The following STPG2 variants were observed in gnomAD, a reference collection of about 807,000 sequenced individuals.
STPG2 encodes the protein sperm-tail PG-rich repeat-containing protein 2.
Under a neutral mutation model 54.2 loss-of-function variants are expected in STPG2, and 56 were observed. The ratio of observed to expected loss-of-function variants is 1.03; its 90% CI spans 0.83 to 1.29. STPG2 has a LOEUF of 1.29. Ranked by LOEUF, STPG2 falls within the 50% of genes most tolerant of loss-of-function variation. The probability of loss-of-function intolerance (pLI) is 0.00; values close to 1 mark genes in which losing one functional copy is unlikely to be tolerated. For missense variants in STPG2, 596 were observed against 544.9 expected, an observed-to-expected ratio of 1.09 and a Z score of -0.93; for synonymous variants, 200 against 181.8, an observed-to-expected ratio of 1.10 and a Z score of -0.81.
intron 10 of STPG2, among the ~76,000 whole-genome samples, chr4:97,641,869 A>G (rs538547446): frequency 1.3e-5 from 2 of 151,560 alleles, no homozygotes; most frequent in Non-Finnish European, 3.0e-5. Flanking sequence ...TCTTTATTTG[A>G]TAGTTCACTG....
chr4:97,507,758 T>C (rs1025030687), intron 4 of STPG2, among the ~76,000 whole-genome samples: 6 of 152,010 alleles, frequency 3.9e-5, no homozygotes, highest in African/African-American at 1.4e-4. Flanking sequence ...AAGATACACA[T>C]AGGGTAAGGT....
chr4:97,562,910 G>C (rs1216947360), intron 10 of STPG2, among the ~76,000 whole-genome samples: 1 of 151,820 alleles, frequency 6.6e-6, no homozygotes, highest in Non-Finnish European at 1.5e-5. Context: ...TCTCTTTTTT[G>C]GTTGTGTCTC....
intron 4 of STPG2, among the ~76,000 whole-genome samples, chr4:97,467,825 T>C (rs1035994273): frequency 1.1e-4 from 16 of 151,302 alleles, no homozygotes; most frequent in Non-Finnish European, 1.8e-4. Flanking sequence ...TGGCTGTTAG[T>C]TATTAAAGCT....
At chr4:97,964,570 G>GA (rs1271409499) in intron 7 of STPG2, among the ~76,000 whole-genome samples, 6 of 152,054 alleles carry the variant, frequency 3.9e-5, no homozygotes, top group Admixed American at 6.6e-5. Flanking sequence ...TTAAAAACCT[G>GA]AAAAAACTAA....
chr4:98,115,977 T>TAAC (rs1739510038), intron 3 of STPG2, among the ~76,000 whole-genome samples: 2 of 151,512 alleles, frequency 1.3e-5, no homozygotes, highest in African/African-American at 2.4e-5. Context: ...TACGTTTTTA[T>TAAC]ATGTTTTTAA....
At chr4:97,528,010 C>G (rs1314055672) in intron 4 of STPG2, among the ~76,000 whole-genome samples, 1 of 152,048 alleles carries the variant, frequency 6.6e-6, no homozygotes, top group East Asian at 1.9e-4. Flanking sequence ...TTAATTAGTC[C>G]CATTTGTCAA....
intron 8 of STPG2, among the ~76,000 whole-genome samples, chr4:97,881,884 G>T (rs1373153936): frequency 6.6e-6 from 1 of 152,082 alleles, no homozygotes; most frequent in Non-Finnish European, 1.5e-5. Context: ...CTGATTTTCA[G>T]CATCTATTTA....
rs530975909 is a variant in STPG2, at chr4:97,511,272, G to A, written c.462+201427C>T. On this transcript the variant is annotated intron_variant, in intron 4 of 4. Coordinates refer to the STPG2 transcript ENST00000522676. ...TGAAAGTAAAAGAACAGAAAAAACT[G>A]TACTACAAAATACTAATTAAAATCA... Among the ~76,000 whole-genome samples the A allele has an allele frequency of 9.9e-5, 15 of 151,738 alleles. No individual in the cohort carries two copies. The South Asian group carries it at 3.1e-3, about 32-fold the overall frequency.
At chr4:97,710,511 T>G (rs1200746538) in intron 10 of STPG2, among the ~76,000 whole-genome samples, 3 of 152,100 alleles carry the variant, frequency 2.0e-5, no homozygotes, top group African/African-American at 4.8e-5. Flanking sequence ...ACTATCTCAA[T>G]GGCAGATCAT....
intron 8 of STPG2, among the ~76,000 whole-genome samples, chr4:97,851,065 C>G (rs1292768592): frequency 6.6e-6 from 1 of 152,104 alleles, no homozygotes; most frequent in Admixed American, 6.6e-5. Flanking sequence ...CAAATCTTCC[C>G]TGAATTCATT....
intron 4 of STPG2, among the ~76,000 whole-genome samples, chr4:97,503,183 G>A (rs1037647890): frequency 1.3e-5 from 2 of 151,698 alleles, no homozygotes; most frequent in Non-Finnish European, 1.5e-5. Context: ...ACTGGCTCAC[G>A]GACCAATTAT....
chr4:97,992,528 A>G (rs1735054545), intron 5 of STPG2, among the ~76,000 whole-genome samples: 1 of 152,182 alleles, frequency 6.6e-6, no homozygotes. Flanking sequence ...CAAGTCGAGT[A>G]ATGTAATGCC....
rs1560602684 is a variant in STPG2 at position 97,943,951 on chromosome 4, G to T, written c.990C>A (p.Asn330Lys). The change falls in exon 8 of 11, where the codon AAC becomes AAA. Residue 330 changes from asparagine to lysine, a missense_variant. Transcript: ENST00000295268. ...CTCTTGACAAGAAAGCAGCATATTT[G>T]TTAGTCAAGTTAGGTAATTCATCAG... ...GISDELPNLTNKYAAFLSRAK... is the reference protein window; with the variant it reads ...GISDELPNLTKKYAAFLSRAK... 6.3e-7 allele frequency: 1 copy of T among 1,598,922 alleles called. No homozygotes were observed. Among genetic ancestry groups the T allele is most frequent in the Non-Finnish European group, 8.5e-7 (1 of 1,175,572 alleles).
chr4:97,940,687 C>G (rs945139588), intron 8 of STPG2, among the ~76,000 whole-genome samples: 2 of 152,228 alleles, frequency 1.3e-5, no homozygotes, highest in Admixed American at 1.3e-4. Context: ...CTATTTCATC[C>G]TTCAGCTCCT....
At chr4:97,612,300 T>G (rs1397597289) in intron 10 of STPG2, among the ~76,000 whole-genome samples, 1 of 150,940 alleles carries the variant, frequency 6.6e-6, no homozygotes, top group African/African-American at 2.4e-5. Context: ...AAAACAGAAT[T>G]GTCAACATTG....
intron 7 of STPG2, among the ~76,000 whole-genome samples, chr4:97,944,677 T>C (rs1733132875): frequency 6.6e-6 from 1 of 152,140 alleles, no homozygotes; most frequent in African/African-American, 2.4e-5. Context: ...CATTTTACTG[T>C]TTTTGTTTCA....
chr4:97,888,690 C>T (rs1730666794), intron 8 of STPG2, among the ~76,000 whole-genome samples: 1 of 152,064 alleles, frequency 6.6e-6, no homozygotes, highest in African/African-American at 2.4e-5. Context: ...CTTTGGGAAA[C>T]TGTTAAGAAG....
chr4:97,954,624 A>G (rs1733597470), intron 7 of STPG2, among the ~76,000 whole-genome samples: 1 of 152,218 alleles, frequency 6.6e-6, no homozygotes, highest in South Asian at 2.1e-4. Flanking sequence ...CCATAGTACT[A>G]CACTTAAGAA....
chr4:97,790,766 T>C (rs934275033), intron 9 of STPG2, among the ~76,000 whole-genome samples: 9 of 152,214 alleles, frequency 5.9e-5, no homozygotes, highest in African/African-American at 1.7e-4. Flanking sequence ...GTCCATGTGA[T>C]TAGATTGGGC....
Sources: allele counts gnomAD v4.1 joint callset (sites outside exome capture counted in the v4.1 genomes callset), GRCh38; gene constraint gnomAD v4.1.1; transcripts MANE v1.5; gene names NCBI Gene and HGNC (gene_info 2026-07-23, HGNC 2026-07-21).